IGFN1: variants seen among roughly 807,000 people sequenced by gnomAD.
The protein encoded by IGFN1 is immunoglobulin like and fibronectin type III domain containing 1.
A neutral mutation model predicts 289.5 loss-of-function variants in IGFN1; 253 were observed. The observed-to-expected ratio is 0.87, with a 90% confidence interval of 0.79 to 0.97. The LOEUF (loss-of-function observed/expected upper bound fraction) is 0.97. Among genes scored for constraint, IGFN1 ranks in the 50% least tolerant of loss-of-function variants. The pLI, the probability that IGFN1 is intolerant of heterozygous loss-of-function variation, is 0.00. For synonymous variants in IGFN1, 1,706 were observed against 1,788.5 expected, an observed-to-expected ratio of 0.95 and a Z score of 1.16; for missense variants, 4,470 against 4,686.1, an observed-to-expected ratio of 0.95 and a Z score of 1.35.
At position 201,224,790 on chromosome 1, in the gene IGFN1, C is replaced by T. The variant is rs1653971140; in HGVS notation, c.10402C>T (p.Leu3468Phe). The change falls in exon 21 of 24, where the codon CTC (leucine) becomes TTC (phenylalanine). Residue 3468 changes from leucine (L) to phenylalanine (F), a missense_variant. Physicochemically the swap from Leu to Phe is conservative, Grantham distance 22. Around this residue, in one of 8 missense-constraint regions of IGFN1, gnomAD observed 2,218 missense variants for 2,114.1 expected, o/e 1.05. Transcript: ENST00000335211. ...CCAGCTTCTGATCCCTGTGGCTGGACTCTCAGACAGTGGTCTCTACACTGT... is the reference window on the plus strand; with the variant it reads ...CCAGCTTCTGATCCCTGTGGCTGGATTCTCAGACAGTGGTCTCTACACTGT... ...LTQLLIPVAG[L>F]SDSGLYTVVL... 2.5e-6 allele frequency: 4 copies of T among 1,614,048 alleles called. No homozygotes were observed. The highest frequency in any genetic ancestry group is 3.4e-6 in the Non-Finnish European group (4 of 1,180,004).
In IGFN1 at chr1:201,213,486, C is replaced by A; in HGVS notation, c.8593C>A (p.Pro2865Thr). 6.2e-7 allele frequency: 1 copy of A among 1,613,958 alleles called. No homozygotes were observed. The highest frequency in any genetic ancestry group is 1.1e-5 in the South Asian group (1 of 91,080). ...GCTGAATGAAGATCAGAGCCGGGAG[C>A]CCCCTGGTCACCTTGGTAGCAGGAG... is the stretch of plus-strand genomic sequence containing the variant. ...EMLNEDQSRE[P>T]PGHLGSRRSG... Residue 2865 changes from proline to threonine, a missense_variant, in exon 12 of 24, where the codon CCC becomes ACC. Around this residue, in one of 8 missense-constraint regions of IGFN1, gnomAD observed 2,218 missense variants for 2,114.1 expected, o/e 1.05. Transcript: ENST00000335211.
intron 3 of IGFN1, among the ~76,000 whole-genome samples, chr1:201,194,910 G>A (rs1159622379): frequency 6.6e-6 from 1 of 152,214 alleles, no homozygotes; most frequent in Non-Finnish European, 1.5e-5. Flanking sequence ...ATTGGGAAGG[G>A]CCCTTGGGCC....
chr1:201,213,310 G>A lies in IGFN1; in HGVS notation c.8417G>A (p.Gly2806Glu). The part of the protein sequence containing the change: ...EDEGQGVEEA[G>E]RSGRRPGSLR... Reference sequence around the variant, plus strand: ...GAAGGGCAGGGAGTGGAAGAGGCTGGGAGGTCAGGCAGGAGGCCTGGCTCA... The same window carrying A: ...GAAGGGCAGGGAGTGGAAGAGGCTGAGAGGTCAGGCAGGAGGCCTGGCTCA... The change falls in exon 12 of 24, where the codon GGG becomes GAG. Residue 2806 changes from glycine to glutamate, a missense_variant. Physicochemically the swap from Gly to Glu is moderately conservative, Grantham distance 98. Around this residue, in one of 8 missense-constraint regions of IGFN1, gnomAD observed 2,218 missense variants for 2,114.1 expected, o/e 1.05. Coordinates refer to ENST00000335211, the MANE Select transcript of IGFN1 (RefSeq NM_001164586.2). 2 of 1,576,312 alleles carry A rather than the reference G, an allele frequency of 1.3e-6. No individual in the cohort carries two copies. Among genetic ancestry groups the A allele is most frequent in the Non-Finnish European group, 1.7e-6 (2 of 1,161,158 alleles).
Position 201,225,936 on chromosome 1 carries a change from G to T in IGFN1, c.10599G>T (p.Ala3533=). Residue 3533 remains alanine, a synonymous_variant, in exon 22 of 24, where the codon GCG becomes GCT. Coordinates refer to ENST00000335211, the MANE Select transcript of IGFN1 (RefSeq NM_001164586.2). ...CCCAGGATGTCCCGCTGCACTACGC[G>T]GTGTTCACACGCTCCTCAGCGCACG... ...DEAQDVPLHY[A]VFTRSSAHGP... 6.2e-7 allele frequency: 1 copy of T among 1,603,408 alleles called. No individual in the cohort carries two copies. Among genetic ancestry groups the T allele is most frequent in the Non-Finnish European group, 8.5e-7 (1 of 1,175,032 alleles).
intron 20 of IGFN1, 34 bp downstream of exon 20, chr1:201,222,861 C>T: frequency 6.7e-7 from 1 of 1,493,962 alleles, no homozygotes; most frequent in East Asian, 2.3e-5. Context: ...GGGAGGGAAG[C>T]CCAGAGAGGC....
rs370071268 is a variant in IGFN1 at position 201,226,143 on chromosome 1, G to A, written c.10786+20G>A. On this transcript the variant is annotated intron_variant, in intron 22 of 23. Transcript: ENST00000335211. ...AGCGCGGTAAGCAGCCCCTGAGAGGGAGGAGCAGGCAGGGTGGGGGTTGCG... is the reference window on the plus strand; with the variant it reads ...AGCGCGGTAAGCAGCCCCTGAGAGGAAGGAGCAGGCAGGGTGGGGGTTGCG... 7 of 1,560,620 alleles carry A rather than the reference G, an allele frequency of 4.5e-6. No individual in the cohort carries two copies. Among genetic ancestry groups the A allele is most frequent in the Non-Finnish European group, 6.1e-6 (7 of 1,153,102 alleles).
At chr1:201,203,373 C>T (rs1306290662) in intron 9 of IGFN1, among the ~76,000 whole-genome samples, 1 of 152,164 alleles carries the variant, frequency 6.6e-6, no homozygotes, top group Non-Finnish European at 1.5e-5. Context: ...TGAGCTGGGG[C>T]CTCTGGGCCA....
rs1441971150 is a variant in IGFN1, at chr1:201,208,026, G to A, written c.3133G>A (p.Gly1045Ser). ...TGCCAGTCTTAAAAATGGCTCAGGT[G>A]GTCCTGATGGAGCACCCATGAATGA... ...RVASLKNGSG[G>S]PDGAPMNDTR... Residue 1045 changes from glycine (G) to serine (S), a missense_variant, in exon 12 of 24, where the codon GGT becomes AGT. By Grantham distance (56) the Gly-to-Ser change is moderately conservative. Transcript: ENST00000335211. 8 of 1,536,940 alleles carry A rather than the reference G, an allele frequency of 5.2e-6. No homozygotes were observed. Among genetic ancestry groups the A allele is most frequent in the East Asian group, 2.4e-5 (1 of 40,888 alleles).
Position 201,215,655 on chromosome 1 carries a change from G to A in IGFN1, c.9112G>A (p.Ala3038Thr). 3 of 1,614,030 alleles carry A rather than the reference G, an allele frequency of 1.9e-6. No homozygotes were observed. The highest frequency in any genetic ancestry group is 2.5e-6 in the Non-Finnish European group (3 of 1,179,984). ...CCAGAGCCACCTCCCCATTCAGGCT[G>A]CCTGGAGGAAGGACGGGGCTGAGGT... ...PFQSHLPIQA[A>T]WRKDGAEVVG... is the part of the protein sequence containing the mutation. The change falls in exon 15 of 24, where the codon GCC becomes ACC. Residue 3038 changes from alanine (A) to threonine (T), a missense_variant. Ala to Thr is a moderately conservative substitution (Grantham distance 58). This residue lies in a region of IGFN1 where 2,218 missense variants were observed against 2,114.1 expected (regional missense o/e 1.05). Coordinates refer to ENST00000335211, the MANE Select transcript of IGFN1 (RefSeq NM_001164586.2).
rs148105756 is a variant in IGFN1, at chr1:201,218,553, G to C, written c.9793G>C (p.Val3265Leu). 1,668 of 1,613,416 alleles carry C rather than the reference G, an allele frequency of 1.0e-3. 40 individuals are homozygous for C. The Admixed American group carries it at 0.026, about 26-fold the overall frequency. The change falls in exon 18 of 24, where the codon GTG becomes CTG. Residue 3265 changes from valine (V) to leucine (L), a missense_variant. By Grantham distance (32) the Val-to-Leu change is conservative. Around this residue, in one of 8 missense-constraint regions of IGFN1, gnomAD observed 2,218 missense variants for 2,114.1 expected, o/e 1.05. Transcript: ENST00000335211. Reference protein sequence around the residue: ...VPERRWTVADVRQGCQYEFRV... With the variant: ...VPERRWTVADLRQGCQYEFRV... ...AGAGAGGAGGTGGACGGTGGCGGAC[G>C]TGCGGCAGGGCTGTCAGTATGAGTT...
chr1:201,211,532 T>A lies in IGFN1; in HGVS notation c.6639T>A (p.Gly2213=). 2.6e-6 allele frequency: 4 copies of A among 1,521,352 alleles called. No individual in the cohort carries two copies. The highest frequency in any genetic ancestry group is 3.5e-6 in the Non-Finnish European group (4 of 1,138,780). 94.2% of individuals were successfully genotyped at this position (1,521,352 alleles called of 1,614,324 possible). The change falls in exon 12 of 24, where the codon GGT becomes GGA. Residue 2213 remains glycine, a synonymous_variant. Transcript: ENST00000335211. ...AAATGGGGTCAGTGAATAAGGCAGG[T>A]TATAGGAAGGATTTGGGGGCTCCTA... The part of the protein sequence containing the change: ...SEEMGSVNKA[G]YRKDLGAPKG...
In IGFN1 at chr1:201,206,247, T is replaced by C. The variant is rs1271933179; in HGVS notation, c.1354T>C (p.Ser452Pro). 4 of 1,547,296 alleles carry C rather than the reference T, an allele frequency of 2.6e-6. No individual in the cohort carries two copies. Among genetic ancestry groups the C allele is most frequent in the Non-Finnish European group, 3.5e-6 (4 of 1,145,466 alleles). ...CTCCCTTGAAGGGGCTGGGCCGGCT[T>C]CTGGGCTCCAGCACATAGCCAGCCC... ...GGSLEGAGPA[S>P]GLQHIASPDR... The change falls in exon 12 of 24, where the codon TCT (serine) becomes CCT (proline). Residue 452 changes from serine to proline, a missense_variant. Transcript: ENST00000335211.
At chr1:201,216,839 G>C in intron 16 of IGFN1, 86 bp downstream of exon 16, 1 of 1,152,654 alleles carries the variant, frequency 8.7e-7, no homozygotes, top group Non-Finnish European at 1.2e-6. Context: ...CAGAGGCTGA[G>C]TGACACCAGC....
chr1:201,211,703 T>C lies in IGFN1; in HGVS notation c.6810T>C (p.Asn2270=), dbSNP rs1248599814. ...MGSGSYTDYR[N]GLGSSGKISS... is the part of the protein sequence containing the mutation. ...CAGGCAGTTACACAGATTACAGGAA[T>C]GGTTTAGGCAGTTCTGGAAAAATCA... The change falls in exon 12 of 24, where the codon AAT becomes AAC. Residue 2270 remains asparagine (N), a synonymous_variant. Transcript: ENST00000335211. 6 of 1,536,748 alleles carry C rather than the reference T, an allele frequency of 3.9e-6. No individual in the cohort carries two copies. The highest frequency in any genetic ancestry group is 4.4e-6 in the Non-Finnish European group (5 of 1,146,752).
chr1:201,219,074 A>AAC, intron 18 of IGFN1, among the ~76,000 whole-genome samples: 1 of 150,512 alleles, frequency 6.6e-6, no homozygotes, highest in Admixed American at 6.6e-5. Context: ...GAAAAAAAAA[A>AAC]GCAGAGTCCT....
chr1:201,200,902 G>A (rs961327610), intron 8 of IGFN1, among the ~76,000 whole-genome samples: 43 of 150,128 alleles, frequency 2.9e-4, no homozygotes, highest in Non-Finnish European at 6.2e-4. Flanking sequence ...CCGGATCTTG[G>A]CTCACTGCAA....
rs780415793 is a variant in IGFN1, at chr1:201,225,910, G to A, written c.10573G>A (p.Ala3525Thr). The A allele has an allele frequency of 3.1e-6, 5 of 1,610,298 alleles. No homozygotes were observed. The African/African-American group carries it at 4.0e-5, about 13-fold the overall frequency. The part of the protein sequence containing the change: ...TAEWEPSPDE[A>T]QDVPLHYAVF... Reference sequence around the variant, plus strand: ...CGAGTGGGAACCCTCTCCTGACGAGGCCCAGGATGTCCCGCTGCACTACGC... The same window carrying A: ...CGAGTGGGAACCCTCTCCTGACGAGACCCAGGATGTCCCGCTGCACTACGC... The change falls in exon 22 of 24, where the codon GCC (alanine) becomes ACC (threonine). Residue 3525 changes from alanine (A) to threonine (T), a missense_variant. Coordinates refer to ENST00000335211, the MANE Select transcript of IGFN1 (RefSeq NM_001164586.2).
intron 17 of IGFN1, 45 bp downstream of exon 17, chr1:201,217,505 G>A (rs775066453): frequency 6.3e-7 from 1 of 1,596,186 alleles, no homozygotes. Context: ...ACCCCTCCTG[G>A]CTCCAGGATC....
chr1:201,202,281 T>G (rs766447453), intron 9 of IGFN1, among the ~76,000 whole-genome samples: 22 of 152,164 alleles, frequency 1.4e-4, no homozygotes, highest in Non-Finnish European at 2.8e-4. Context: ...TCATCCAGCT[T>G]CATCACTTAT....
Sources: allele counts gnomAD v4.1 joint callset (sites outside exome capture counted in the v4.1 genomes callset), GRCh38; gene constraint gnomAD v4.1.1; regional missense constraint gnomAD v4.1.1; transcripts MANE v1.5; gene names NCBI Gene and HGNC (gene_info 2026-07-23, HGNC 2026-07-21).